HMCN1: variants seen among roughly 807,000 people sequenced by gnomAD.
HMCN1 encodes hemicentin 1.
Under a neutral mutation model 625.9 loss-of-function variants are expected in HMCN1, and 321 were observed. The observed-to-expected ratio is 0.51, with a 90% CI of 0.47 to 0.56. The LOEUF (loss-of-function observed/expected upper bound fraction) is 0.56, where lower values mean the gene tolerates loss of function less well. Ranked by LOEUF, HMCN1 falls within the 20% of genes least tolerant of loss-of-function variation. HMCN1 has a pLI of 0.00. For missense variants in HMCN1, 6,588 were observed against 6,887.3 expected, an observed-to-expected ratio of 0.96 and a Z score of 1.54; for synonymous variants, 2,425 against 2,417.6, an observed-to-expected ratio of 1.00 and a Z score of -0.09.
chr1:185,974,146 A>G (rs1651033253), intron 15 of HMCN1, among the ~76,000 whole-genome samples: 1 of 151,656 alleles, frequency 6.6e-6, no homozygotes, highest in Non-Finnish European at 1.5e-5. Flanking sequence ...TGCAGATCTC[A>G]AGATGCTTGC....
intron 57 of HMCN1, among the ~76,000 whole-genome samples, chr1:186,084,372 C>G (rs1197416519): frequency 6.6e-6 from 1 of 152,088 alleles, no homozygotes; most frequent in East Asian, 1.9e-4. Context: ...AGGAAGTAAT[C>G]ACTAGTGTTT....
intron 4 of HMCN1, among the ~76,000 whole-genome samples, chr1:185,873,079 A>T (rs904851847): frequency 6.6e-6 from 1 of 152,202 alleles, no homozygotes; most frequent in African/African-American, 2.4e-5. Context: ...CTAGCCAATA[A>T]GTTGCATGCT....
At chr1:186,003,900 A>G (rs1011681973) in intron 29 of HMCN1, 56 bp downstream of exon 29, 1 of 1,543,426 alleles carries the variant, frequency 6.5e-7, no homozygotes, top group African/African-American at 1.4e-5. Context: ...AAAGATGTGA[A>G]AAATGCATGT....
At chr1:186,032,352 A>G (rs745763038) in intron 36 of HMCN1, among the ~76,000 whole-genome samples, 1 of 152,182 alleles carries the variant, frequency 6.6e-6, no homozygotes, top group Non-Finnish European at 1.5e-5. Flanking sequence ...AATTGAAACC[A>G]CAATGAGATA....
At chr1:186,159,719 C>G (rs1346078100) in intron 97 of HMCN1, among the ~76,000 whole-genome samples, 3 of 152,142 alleles carry the variant, frequency 2.0e-5, no homozygotes, top group Non-Finnish European at 2.9e-5. Flanking sequence ...TGCTAGATTA[C>G]ATTTATTGAT....
At chr1:186,109,268 AAGG>A (rs1388953550) in intron 71 of HMCN1, among the ~76,000 whole-genome samples, 3 of 152,216 alleles carry the variant, frequency 2.0e-5, no homozygotes, top group Non-Finnish European at 4.4e-5. Flanking sequence ...TAATTATAAA[AAGG>A]AGATTATGTC....
In HMCN1 at chr1:186,144,715, A is replaced by G. The variant is rs1650204702; in HGVS notation, c.14266+12A>G. On this transcript the variant is annotated intron_variant, in intron 91 of 106. Coordinates refer to ENST00000271588, the MANE Select transcript of HMCN1 (RefSeq NM_031935.3). ...TGACCCTTGCCCAAGTGAGTGTTGG[A>G]AATAGTGAGTCAACATTATACTTTC... 6.2e-7 allele frequency: 1 copy of G among 1,613,650 alleles called. No homozygotes were observed. The highest frequency in any genetic ancestry group is 1.3e-5 in the African/African-American group (1 of 75,008).
chr1:185,771,979 C>A (rs973617969), intron 1 of HMCN1, among the ~76,000 whole-genome samples: 2 of 151,990 alleles, frequency 1.3e-5, no homozygotes, highest in Non-Finnish European at 2.9e-5. Context: ...TGAAATAATG[C>A]GTGAGAAGTT....
intron 105 of HMCN1, among the ~76,000 whole-genome samples, chr1:186,184,225 T>A (rs558918979): frequency 3.3e-5 from 5 of 152,284 alleles, no homozygotes; most frequent in South Asian, 2.1e-4. Context: ...TAAAAAGACT[T>A]GAGAGAAAAC....
chr1:185,893,131 C>T (rs1459620240), intron 4 of HMCN1, among the ~76,000 whole-genome samples: 2 of 152,252 alleles, frequency 1.3e-5, no homozygotes, highest in East Asian at 1.9e-4. Flanking sequence ...TGACCCCTTG[C>T]ACTTCCTGAG....
chr1:185,795,505 A>G (rs1446961396), intron 1 of HMCN1, among the ~76,000 whole-genome samples: 1 of 152,182 alleles, frequency 6.6e-6, no homozygotes, highest in Non-Finnish European at 1.5e-5. Flanking sequence ...GATGCAACTC[A>G]AGAAATTGTG....
intron 30 of HMCN1, among the ~76,000 whole-genome samples, chr1:186,013,232 C>T (rs1654116818): frequency 6.6e-6 from 1 of 152,136 alleles, no homozygotes; most frequent in African/African-American, 2.4e-5. Flanking sequence ...ACTCTATTGA[C>T]ACTAAAGTTT....
intron 11 of HMCN1, among the ~76,000 whole-genome samples, chr1:185,959,638 A>ATGGTGG (rs1008352409): frequency 9.2e-5 from 14 of 151,996 alleles, no homozygotes; most frequent in Non-Finnish European, 5.9e-5. Flanking sequence ...TTGGTTGCTC[A>ATGGTGG]TGGTGGTGGT....
At chr1:186,084,844 A>G (rs1245884429) in intron 57 of HMCN1, among the ~76,000 whole-genome samples, 1 of 152,076 alleles carries the variant, frequency 6.6e-6, no homozygotes, top group South Asian at 2.1e-4. Context: ...CTCAATAACC[A>G]TATGTGCTTG....
At chr1:185,923,317 T>C (rs1667090534) in intron 7 of HMCN1, 73 bp from the exon 8 acceptor site, 6 of 1,150,636 alleles carry the variant, frequency 5.2e-6, no homozygotes, top group African/African-American at 1.5e-5. Flanking sequence ...ATTATTATCA[T>C]GCAAATACTT....
At position 185,965,920 on chromosome 1, in the gene HMCN1, A is replaced by G. The variant is rs749934729; in HGVS notation, c.2212+5A>G. 3.6e-6 allele frequency: 5 copies of G among 1,395,786 alleles called. No individual in the cohort carries two copies. In the Admixed American group the frequency reaches 8.4e-5, roughly 23 times the overall value. The allele number at this position is 1,395,786 out of a possible 1,614,324, so 86.5% of individuals were successfully genotyped here. A position where few individuals can be genotyped will look rare whatever the true frequency, so the allele number is the denominator to read the frequency against. On this transcript the variant is annotated splice_donor_5th_base_variant and intron_variant, in intron 14 of 106. Coordinates refer to ENST00000271588, the MANE Select transcript of HMCN1 (RefSeq NM_031935.3). ...CTCAAGTTAAATGGTTCAAAGGTAC[A>G]TTTCTTCAATATGTTTGTGTCTGGT...
At chr1:185,960,200 C>T (rs1204044650) in intron 11 of HMCN1, among the ~76,000 whole-genome samples, 1 of 143,344 alleles carries the variant, frequency 7.0e-6, no homozygotes, top group Non-Finnish European at 1.5e-5. Flanking sequence ...GTGATCTTGG[C>T]TCACTGCAAC....
intron 1 of HMCN1, among the ~76,000 whole-genome samples, chr1:185,737,993 A>G (rs1177540243): frequency 6.6e-6 from 1 of 152,196 alleles, no homozygotes; most frequent in Non-Finnish European, 1.5e-5. Context: ...GTGTTGAACT[A>G]GCAGCACATG....
intron 37 of HMCN1, 119 bp from the exon 38 acceptor site, chr1:186,038,710 A>T (rs762652262): frequency 4.3e-6 from 3 of 693,824 alleles, no homozygotes; most frequent in African/African-American, 1.8e-5. Context: ...TTATGTAAAC[A>T]GATTAAATTC....
Sources: allele counts gnomAD v4.1 joint callset (sites outside exome capture counted in the v4.1 genomes callset), GRCh38; gene constraint gnomAD v4.1.1; transcripts MANE v1.5; gene names NCBI Gene and HGNC (gene_info 2026-07-23, HGNC 2026-07-21).